Variants in NTNG2 observed in about 807,000 individuals in gnomAD.
NTNG2 encodes netrin-G2.
NTNG2 carries 15 observed loss-of-function variants against 47.6 expected under a neutral mutation model. The ratio of observed to expected loss-of-function variants is 0.32; its 90% CI spans 0.21 to 0.49. The LOEUF (loss-of-function observed/expected upper bound fraction) is 0.49, where lower values mean the gene tolerates loss of function less well. Ranked by LOEUF, NTNG2 falls within the 20% of genes least tolerant of loss-of-function variation. The probability of loss-of-function intolerance (pLI) is 0.99; values close to 1 mark genes in which losing one functional copy is unlikely to be tolerated. For synonymous variants in NTNG2, 307 were observed against 324.6 expected, an observed-to-expected ratio of 0.95 and a Z score of 0.58; for missense variants, 578 against 764.6, an observed-to-expected ratio of 0.76 and a Z score of 2.88.
At chr9:132,191,877 G>A (rs529549618) in intron 2 of NTNG2, among the ~76,000 whole-genome samples, 12 of 152,250 alleles carry the variant, frequency 7.9e-5, no homozygotes, top group South Asian at 4.1e-4. Flanking sequence ...GGCCATTACC[G>A]CATCTTTCTA....
chr9:132,224,240 AC>A (rs1840561979), intron 3 of NTNG2, among the ~76,000 whole-genome samples: 1 of 151,552 alleles, frequency 6.6e-6, no homozygotes, highest in Non-Finnish European at 1.5e-5. Context: ...CCATTTCCCC[AC>A]CCCCCTGCAC....
intron 3 of NTNG2, among the ~76,000 whole-genome samples, chr9:132,205,002 G>A (rs1006323366): frequency 3.3e-5 from 5 of 152,180 alleles, no homozygotes; most frequent in South Asian, 4.1e-4. Flanking sequence ...TGGAAAAATC[G>A]GAACCTTCAT....
At chr9:132,181,567 A>G (rs138471979) in intron 2 of NTNG2, among the ~76,000 whole-genome samples, 8 of 152,258 alleles carry the variant, frequency 5.3e-5, no homozygotes, top group Non-Finnish European at 8.8e-5. Context: ...CGCCCACCTC[A>G]GCCTCCCAAA....
At chr9:132,203,696 C>T (rs1355102732) in intron 3 of NTNG2, among the ~76,000 whole-genome samples, 1 of 152,218 alleles carries the variant, frequency 6.6e-6, no homozygotes, top group Admixed American at 6.5e-5. Context: ...CTCCTGCAGC[C>T]GTGGTAGCAG....
rs1554791337 is a variant in NTNG2 at position 132,219,585 on chromosome 9, A to AAAAG, written c.858-7244_858-7241dup. On this transcript the variant is annotated intron_variant, in intron 3 of 7. Transcript: ENST00000393229. ...AAGACTCTGTCTCAAAAAAAAAAAAAAAAGAAAGAAAGAAAGAAAGAAATT... is the reference window on the plus strand; with the variant it reads ...AAGACTCTGTCTCAAAAAAAAAAAAAAAAGAAAGAAAGAAAGAAAGAAAGAAATT... 7.5e-5 allele frequency among the ~76,000 whole-genome samples: 11 copies of AAAAG among 146,756 alleles called. 1 individual carries two copies. Among genetic ancestry groups the AAAAG allele is most frequent in the South Asian group, 2.1e-4 (1 of 4,726 alleles).
At position 132,208,351 on chromosome 9, in the gene NTNG2, CT is replaced by C. The variant is rs764877198; in HGVS notation, c.857+9743del. Among the ~76,000 whole-genome samples the C allele has an allele frequency of 1.8e-3, 268 of 152,296 alleles. No homozygotes were observed. The highest frequency in any genetic ancestry group is 3.5e-3 in the Non-Finnish European group (239 of 68,024). Reference sequence around the variant, plus strand: ...CAGGCAGGGCCAGATCACGCCAGCCCTGCAGCCCCGGGAGGAAGTTGGTTTT... The same window carrying C: ...CAGGCAGGGCCAGATCACGCCAGCCCGCAGCCCCGGGAGGAAGTTGGTTTT... On this transcript the variant is annotated intron_variant, in intron 3 of 7. Transcript: ENST00000393229. The surrounding 1 kb of genome is among the most constrained non-coding windows in gnomAD (Gnocchi z 4.0).
intron 1 of NTNG2, among the ~76,000 whole-genome samples, chr9:132,165,610 C>T (rs1270324953): frequency 2.0e-5 from 3 of 152,216 alleles, no homozygotes; most frequent in African/African-American, 7.2e-5. Flanking sequence ...TTCATCTGTA[C>T]ATATAGGTAT....
intron 4 of NTNG2, among the ~76,000 whole-genome samples, chr9:132,229,141 G>A (rs537532907): frequency 6.6e-6 from 1 of 152,206 alleles, no homozygotes; most frequent in Admixed American, 6.5e-5. Context: ...CAGGAAGGAG[G>A]GGTTTCTTCT....
Position 132,166,881 on chromosome 9 carries a change from G to A in NTNG2, c.50G>A (p.Gly17Glu). 6.2e-7 allele frequency: 1 copy of A among 1,614,190 alleles called. No individual in the cohort carries two copies. The highest frequency in any genetic ancestry group is 8.5e-7 in the Non-Finnish European group (1 of 1,180,040). Residue 17 changes from glycine to glutamate, a missense_variant, in exon 2 of 8, where the codon GGG becomes GAG. By Grantham distance (98) the Gly-to-Glu change is moderately conservative. Coordinates refer to ENST00000393229, the MANE Select transcript of NTNG2 (RefSeq NM_032536.4). ...CTGCACTGCCTCCCTCTGGCCTCTG[G>A]GGACTATGACATCTGCAAATCCTGG... ...LFLHCLPLAS[G>E]DYDICKSWVT...
Position 132,240,956 on chromosome 9 carries a change from G to T in NTNG2, c.1269G>T (p.Glu423Asp). 1.2e-6 allele frequency: 2 copies of T among 1,612,508 alleles called. No individual in the cohort carries two copies. The highest frequency in any genetic ancestry group is 8.5e-7 in the Non-Finnish European group (1 of 1,179,808). ...QIGSVHDRCN[E>D]TGFCECREGA... The stretch of plus-strand genomic sequence containing the variant: ...GCTCCGTGCACGACCGGTGCAACGA[G>T]ACCGGCTTCTGCGAGTGCCGCGAGG... Residue 423 changes from glutamate (E) to aspartate (D), a missense_variant, in exon 7 of 8, where the codon GAG becomes GAT. By Grantham distance (45) the Glu-to-Asp change is conservative. Transcript: ENST00000393229.
At position 132,239,216 on chromosome 9, in the gene NTNG2, G is replaced by T; in HGVS notation, c.1167G>T (p.Arg389=). 1.9e-6 allele frequency: 3 copies of T among 1,613,800 alleles called. No individual in the cohort carries two copies. Among genetic ancestry groups the T allele is most frequent in the South Asian group, 1.1e-5 (1 of 91,088 alleles). ...NTRGQHCQHC[R]LGYYRNGSAE... ...GAGGTCAGCACTGCCAGCACTGCCGGCTGGGCTACTACCGCAACGGCTCGG... is the reference window on the plus strand; with the variant it reads ...GAGGTCAGCACTGCCAGCACTGCCGTCTGGGCTACTACCGCAACGGCTCGG... The change falls in exon 6 of 8, where the codon CGG becomes CGT. Residue 389 remains arginine, a synonymous_variant. Coordinates refer to ENST00000393229, the MANE Select transcript of NTNG2 (RefSeq NM_032536.4).
chr9:132,198,891 C>T (rs917192415), intron 3 of NTNG2, among the ~76,000 whole-genome samples: 1 of 152,000 alleles, frequency 6.6e-6, no homozygotes, highest in Non-Finnish European at 1.5e-5. Context: ...TGGGACATGA[C>T]CTGGTTCTTG....
At chr9:132,202,956 T>A (rs542151753) in intron 3 of NTNG2, among the ~76,000 whole-genome samples, 237 of 152,292 alleles carry the variant, frequency 1.6e-3, no homozygotes, top group Middle Eastern at 6.8e-3. Context: ...TGACTTCAGC[T>A]GCCTGTTGTG....
Position 132,242,328 on chromosome 9 carries a change from G to T in NTNG2, c.*217G>T. The T allele has an allele frequency of 5.5e-6, 1 of 182,282 alleles. No individual in the cohort carries two copies. The highest frequency in any genetic ancestry group is 6.1e-5 in the Admixed American group (1 of 16,322). 11.3% of individuals were successfully genotyped at this position (182,282 alleles called of 1,614,324 possible). ...ACTCCGGTCCCCGCGCCTGCGATTT[G>T]GTTTCGTTTTTCTTTTGTATTATCC... is the stretch of plus-strand genomic sequence containing the variant. On this transcript the variant is annotated 3_prime_UTR_variant, in exon 8 of 8. Coordinates refer to ENST00000393229, the MANE Select transcript of NTNG2 (RefSeq NM_032536.4). The surrounding 1 kb of genome is among the most constrained non-coding windows in gnomAD (Gnocchi z 5.9).
intron 2 of NTNG2, among the ~76,000 whole-genome samples, chr9:132,176,117 G>A (rs113941483): frequency 3.3e-5 from 5 of 152,120 alleles, no homozygotes; most frequent in African/African-American, 1.2e-4. Flanking sequence ...GGGAGGCCGA[G>A]GCAGGAGGAT....
At chr9:132,189,064 C>CGTTTTTTTT (rs1837636142) in intron 2 of NTNG2, among the ~76,000 whole-genome samples, 1 of 61,756 alleles carries the variant, frequency 1.6e-5, no homozygotes, top group East Asian at 4.4e-4. Flanking sequence ...GGCTTTAAGC[C>CGTTTTTTTT]TTTCTTTTTT....
chr9:132,234,845 C>G (rs1841505127), intron 5 of NTNG2, among the ~76,000 whole-genome samples: 1 of 152,254 alleles, frequency 6.6e-6, no homozygotes, highest in Non-Finnish European at 1.5e-5. Context: ...GCTCCCCGCT[C>G]CCAGCTGGAA....
intron 3 of NTNG2, among the ~76,000 whole-genome samples, chr9:132,206,661 C>T (rs1443248668): frequency 3.3e-5 from 5 of 152,116 alleles, no homozygotes; most frequent in African/African-American, 1.2e-4. Context: ...AGCAAGACTC[C>T]GTCTCAAAAA....
chr9:132,240,096 C>A (rs1488098503), intron 6 of NTNG2, among the ~76,000 whole-genome samples: 1 of 152,270 alleles, frequency 6.6e-6, no homozygotes, highest in Admixed American at 6.5e-5. Context: ...TGTCCCCCAA[C>A]CCTGCCCAGC....
Sources: allele counts gnomAD v4.1 joint callset (sites outside exome capture counted in the v4.1 genomes callset), GRCh38; gene constraint gnomAD v4.1.1; non-coding constraint Gnocchi (gnomAD v3.1); transcripts MANE v1.5; gene names NCBI Gene and HGNC (gene_info 2026-07-23, HGNC 2026-07-21).